GRB10: variants seen among roughly 807,000 people sequenced by gnomAD.
GRB10 encodes the protein growth factor receptor bound protein 10, also known as growth factor receptor-bound protein 10.
GRB10 carries 20 observed loss-of-function variants against 80.9 expected under a neutral mutation model. The observed-to-expected ratio is 0.25, with a 90% CI of 0.17 to 0.36. GRB10 has a LOEUF of 0.36. Ranked by LOEUF, GRB10 falls within the 10% of genes least tolerant of loss-of-function variation. GRB10 has a pLI of 1.00. For missense variants in GRB10, 548 were observed against 747.7 expected, an observed-to-expected ratio of 0.73 and a Z score of 3.12; for synonymous variants, 291 against 291.5, an observed-to-expected ratio of 1.00 and a Z score of 0.02.
chr7:50,748,405 G>C (rs2073403165), intron 3 of GRB10, among the ~76,000 whole-genome samples: 2 of 152,258 alleles, frequency 1.3e-5, no homozygotes, highest in South Asian at 4.1e-4. Context: ...CGGCAGATGT[G>C]AGAGCTGAGC....
intron 3 of GRB10, among the ~76,000 whole-genome samples, chr7:50,746,778 C>T (rs1423900863): frequency 6.6e-6 from 1 of 152,134 alleles, no homozygotes; most frequent in Non-Finnish European, 1.5e-5. Context: ...TGCACACCAC[C>T]CAGTCTCTGC....
At chr7:50,739,341 T>A (rs372022237) in intron 3 of GRB10, among the ~76,000 whole-genome samples, 6 of 152,234 alleles carry the variant, frequency 3.9e-5, no homozygotes, top group African/African-American at 1.4e-4. Flanking sequence ...TAGATGATAC[T>A]CTTAGGCCCT....
At chr7:50,658,965 T>G (rs554096217) in intron 7 of GRB10, among the ~76,000 whole-genome samples, 1 of 152,310 alleles carries the variant, frequency 6.6e-6, no homozygotes, top group East Asian at 1.9e-4. Flanking sequence ...GACCTCCGCT[T>G]TAGCAAAGCT....
chr7:50,674,540 G>C lies in GRB10; in HGVS notation c.258C>G (p.Ala86=). The change falls in exon 6 of 19, where the codon GCC becomes GCG. Residue 86 remains alanine, a synonymous_variant. Coordinates refer to ENST00000401949, the MANE Select transcript of GRB10 (RefSeq NM_001350814.2). ...GGCCTGAAGCCCGAGGCTGGCTGCG[G>C]GCATGCTGGCCATTCTGCAGGAGGG... ...TVPLLQNGQH[A]RSQPRASGPP... is the part of the protein sequence containing the mutation. 1 of 1,611,638 alleles carries C rather than the reference G, an allele frequency of 6.2e-7. No individual in the cohort carries two copies. Among genetic ancestry groups the C allele is most frequent in the South Asian group, 1.1e-5 (1 of 91,080 alleles).
At chr7:50,714,422 G>A (rs1213746403) in intron 4 of GRB10, among the ~76,000 whole-genome samples, 1 of 152,208 alleles carries the variant, frequency 6.6e-6, no homozygotes, top group Non-Finnish European at 1.5e-5. Flanking sequence ...CCAGCACTTT[G>A]GGAGGTCAAG....
At chr7:50,643,011 A>C (rs2056557182) in intron 7 of GRB10, among the ~76,000 whole-genome samples, 1 of 152,198 alleles carries the variant, frequency 6.6e-6, no homozygotes, top group South Asian at 2.1e-4. Flanking sequence ...ATTACTTCTT[A>C]ATTACAAAAG....
At chr7:50,764,125 T>C (rs951273564) in intron 2 of GRB10, among the ~76,000 whole-genome samples, 12 of 151,436 alleles carry the variant, frequency 7.9e-5, no homozygotes, top group African/African-American at 2.9e-4. Flanking sequence ...TTCAAACACC[T>C]GTGGCCCCAG....
In GRB10 at chr7:50,659,896, C is replaced by T. The variant is rs559887774; in HGVS notation, c.504+9826G>A. ...ATGACAAGTTGAGAGTTCACTTAGG[C>T]GTACTGAAATGCATTTCTGTCGTCT... On this transcript the variant is annotated intron_variant, in intron 7 of 18. Transcript: ENST00000401949. 4.2e-4 allele frequency among the ~76,000 whole-genome samples: 64 copies of T among 152,340 alleles called. 1 individual carries two copies. The highest frequency in any genetic ancestry group is 1.5e-3 in the African/African-American group (64 of 41,578).
intron 12 of GRB10, 111 bp downstream of exon 12, chr7:50,614,657 CTA>C: frequency 1.3e-6 from 1 of 789,902 alleles, no homozygotes; most frequent in South Asian, 1.3e-5. Flanking sequence ...CAGTGTGAAA[CTA>C]TGTTTCTGTT....
chr7:50,724,018 C>A (rs1293728042), intron 4 of GRB10, among the ~76,000 whole-genome samples: 1 of 152,212 alleles, frequency 6.6e-6, no homozygotes, highest in Non-Finnish European at 1.5e-5. Flanking sequence ...GAAGAGTGGA[C>A]AACACAGTGG....
At chr7:50,784,610 G>T (rs946530854), upstream of GRB10, among the ~76,000 whole-genome samples, 4 of 152,254 alleles carry the variant, frequency 2.6e-5, no homozygotes, top group African/African-American at 9.6e-5. Context: ...TGTGGGAAGA[G>T]CAAGAGAGAA....
intron 17 of GRB10, among the ~76,000 whole-genome samples, chr7:50,602,627 G>A (rs921573971): frequency 6.6e-6 from 1 of 152,192 alleles, no homozygotes; most frequent in African/African-American, 2.4e-5. Flanking sequence ...TTATATCCAA[G>A]GAGACAGAAG....
intron 4 of GRB10, among the ~76,000 whole-genome samples, chr7:50,715,268 G>A (rs2153680298): frequency 6.6e-6 from 1 of 151,786 alleles, no homozygotes; most frequent in Non-Finnish European, 1.5e-5. Flanking sequence ...CCAGGTGCAA[G>A]CAGAAGGGCT....
At chr7:50,708,280 T>C (rs1441098314) in intron 4 of GRB10, among the ~76,000 whole-genome samples, 3 of 150,406 alleles carry the variant, frequency 2.0e-5, no homozygotes. Flanking sequence ...AAAACAGAAA[T>C]GTACCTTCTT....
upstream of GRB10, among the ~76,000 whole-genome samples, chr7:50,785,789 TTAAAAG>T (rs1257190073): frequency 5.3e-5 from 8 of 152,078 alleles, no homozygotes; most frequent in Admixed American, 3.3e-4. Flanking sequence ...AACAGAAAAA[TTAAAAG>T]TAAATCATTT....
intron 7 of GRB10, among the ~76,000 whole-genome samples, chr7:50,633,927 C>T (rs1337643385): frequency 6.6e-6 from 1 of 151,994 alleles, no homozygotes; most frequent in Non-Finnish European, 1.5e-5. Flanking sequence ...ATAGGTATTC[C>T]TGAGGGAGAA....
At chr7:50,708,450 A>T (rs2065337445) in intron 4 of GRB10, among the ~76,000 whole-genome samples, 1 of 152,236 alleles carries the variant, frequency 6.6e-6, no homozygotes. Context: ...TCATCCGGAC[A>T]GAGCTGGAAG....
intron 1 of GRB10, among the ~76,000 whole-genome samples, chr7:50,788,289 G>A (rs1328788914): frequency 6.6e-6 from 1 of 152,170 alleles, no homozygotes; most frequent in Non-Finnish European, 1.5e-5. Context: ...CAGAGAAGTG[G>A]GGACCTGCCA....
At position 50,590,370 on chromosome 7, in the gene GRB10, T is replaced by A. The variant is rs1321397158; in HGVS notation, c.*2582A>T. 1 of 152,218 alleles carries A rather than the reference T, an allele frequency of 6.6e-6. No homozygotes were observed. Among genetic ancestry groups the A allele is most frequent in the African/African-American group, 2.4e-5 (1 of 41,452 alleles). 9.4% of individuals were successfully genotyped at this position (152,218 alleles called of 1,614,324 possible). A position where few individuals can be genotyped will look rare whatever the true frequency, so the allele number is the denominator to read the frequency against. On this transcript the variant is annotated 3_prime_UTR_variant, in exon 19 of 19. Coordinates refer to ENST00000401949, the MANE Select transcript of GRB10 (RefSeq NM_001350814.2). ...AGAGATCGGTCATACTGTCAGGTATTAAGTGCAGAAAAGAGAAGACAAAAC... is the reference window on the plus strand; with the variant it reads ...AGAGATCGGTCATACTGTCAGGTATAAAGTGCAGAAAAGAGAAGACAAAAC...
Sources: gnomAD v4.1 joint callset for allele counts (sites outside exome capture counted in the v4.1 genomes callset) on GRCh38, gnomAD v4.1.1 for gene constraint, MANE v1.5 for transcripts, NCBI Gene and HGNC (gene_info 2026-07-23, HGNC 2026-07-21) for gene names.